Variants in NR2C2 observed in about 807,000 individuals in gnomAD.
NR2C2 encodes the protein Nuclear hormone receptor TR4.
A neutral mutation model predicts 62.9 loss-of-function variants in NR2C2; 6 were observed. That is an observed-to-expected ratio of 0.10 (90% confidence interval 0.05 to 0.19). The LOEUF (loss-of-function observed/expected upper bound fraction) is 0.19. Ranked by LOEUF, NR2C2 falls within the 10% of genes least tolerant of loss-of-function variation. The pLI is 1.00. For missense variants in NR2C2, 479 were observed against 762.7 expected, an observed-to-expected ratio of 0.63 and a Z score of 4.38; for synonymous variants, 272 against 273.8, an observed-to-expected ratio of 0.99 and a Z score of 0.07.
intron 1 of NR2C2, among the ~76,000 whole-genome samples, chr3:14,970,097 C>T (rs746078559): frequency 3.9e-5 from 6 of 152,122 alleles, no homozygotes; most frequent in Non-Finnish European, 7.4e-5. Flanking sequence ...CAATATTAGG[C>T]TTAAAGCAGA....
At chr3:14,991,856 A>G (rs2040682524) in intron 1 of NR2C2, among the ~76,000 whole-genome samples, 1 of 150,434 alleles carries the variant, frequency 6.6e-6, no homozygotes, top group Non-Finnish European at 1.5e-5. Flanking sequence ...TGTAGCCTCA[A>G]ACTCCTGAGC....
At chr3:15,025,750 CACA>C (rs1460228170) in intron 7 of NR2C2, 4 of 152,602 alleles carry the variant, frequency 2.6e-5, no homozygotes, top group African/African-American at 7.2e-5. Context: ...GGTACAGTAT[CACA>C]ACGAGGACAT....
At chr3:14,962,453 G>A (rs889208402) in intron 1 of NR2C2, 2 of 152,620 alleles carry the variant, frequency 1.3e-5, no homozygotes, top group African/African-American at 4.8e-5. Context: ...ATATGGAGGG[G>A]CTGGTTCAGC....
intron 1 of NR2C2, among the ~76,000 whole-genome samples, chr3:15,002,612 A>G (rs913603401): frequency 1.5e-5 from 2 of 130,900 alleles, no homozygotes; most frequent in Non-Finnish European, 3.3e-5. Context: ...TTCTAATTTT[A>G]GGAAGAGTTT....
At chr3:14,985,423 C>T (rs1370952879) in intron 1 of NR2C2, among the ~76,000 whole-genome samples, 1 of 151,930 alleles carries the variant, frequency 6.6e-6, no homozygotes, top group Non-Finnish European at 1.5e-5. Context: ...CTGTGATTAC[C>T]TTTTTGTTAC....
intron 2 of NR2C2, among the ~76,000 whole-genome samples, chr3:15,006,451 A>G (rs1017163487): frequency 1.3e-5 from 2 of 152,112 alleles, no homozygotes; most frequent in Admixed American, 1.3e-4. Flanking sequence ...TTCTATGTAT[A>G]CTATAGGAAA....
chr3:15,012,337 T>C (rs1487747288), intron 2 of NR2C2, among the ~76,000 whole-genome samples: 1 of 152,048 alleles, frequency 6.6e-6, no homozygotes, highest in East Asian at 1.9e-4. Flanking sequence ...GCGATTCTCG[T>C]GTCTTGGCAT....
intron 1 of NR2C2, among the ~76,000 whole-genome samples, chr3:14,969,293 T>G (rs1482473304): frequency 4.0e-5 from 6 of 148,710 alleles, no homozygotes; most frequent in Admixed American, 2.0e-4. Context: ...TCACCCAGGC[T>G]GGAGTGCAGT....
chr3:14,968,256 A>G (rs2039922165), intron 1 of NR2C2, among the ~76,000 whole-genome samples: 1 of 152,252 alleles, frequency 6.6e-6, no homozygotes. Context: ...AAGGGCTAAT[A>G]TCCAGAATCT....
chr3:15,020,060 C>T (rs189444968), intron 4 of NR2C2, among the ~76,000 whole-genome samples: 1 of 152,188 alleles, frequency 6.6e-6, no homozygotes, highest in African/African-American at 2.4e-5. Context: ...TAAAAAGAGA[C>T]ACCAAAGTAA....
chr3:14,991,118 C>G (rs2040658539), intron 1 of NR2C2, among the ~76,000 whole-genome samples: 1 of 152,074 alleles, frequency 6.6e-6, no homozygotes, highest in Non-Finnish European at 1.5e-5. Context: ...TTTTTAAAAT[C>G]TCTATTGCCA....
At position 15,044,821 on chromosome 3, in the gene NR2C2, AG is replaced by A. The variant is rs1450278889; in HGVS notation, c.*1815del. ...AGCTGCTGCAGGCTCAAGGCAGAAC[AG>A]GATGCTTGATCCTGAAGGGTTAGCA... On this transcript the variant is annotated 3_prime_UTR_variant, in exon 14 of 14. Transcript: ENST00000425241. 1 of 152,258 alleles carries A rather than the reference AG, an allele frequency of 6.6e-6. No homozygotes were observed. Among genetic ancestry groups the A allele is most frequent in the Non-Finnish European group, 1.5e-5 (1 of 68,052 alleles). 9.4% of individuals were successfully genotyped at this position (152,258 alleles called of 1,614,324 possible). A position where few individuals can be genotyped will look rare whatever the true frequency, so the allele number is the denominator to read the frequency against.
chr3:15,035,210 T>A (rs2042075475), intron 11 of NR2C2, among the ~76,000 whole-genome samples: 1 of 152,220 alleles, frequency 6.6e-6, no homozygotes. Context: ...GGAGGATTGC[T>A]TGAGCCCAGA....
intron 2 of NR2C2, among the ~76,000 whole-genome samples, chr3:15,006,144 C>G (rs184085853): frequency 1.5e-4 from 23 of 152,186 alleles, no homozygotes; most frequent in African/African-American, 5.3e-4. Context: ...GAGGTTGAGG[C>G]TGCAGTGAGC....
intron 9 of NR2C2, among the ~76,000 whole-genome samples, chr3:15,030,822 A>C (rs1488802524): frequency 6.6e-6 from 1 of 152,154 alleles, no homozygotes; most frequent in Non-Finnish European, 1.5e-5. Context: ...GTGAAACTCC[A>C]CCTCAAAAAT....
chr3:14,974,386 A>G (rs1032609558), intron 1 of NR2C2, among the ~76,000 whole-genome samples: 6 of 152,132 alleles, frequency 3.9e-5, no homozygotes, highest in African/African-American at 1.4e-4. Flanking sequence ...TTGAGATTCC[A>G]TATGAAGGTT....
chr3:14,955,247 A>T (rs531184761), intron 1 of NR2C2, among the ~76,000 whole-genome samples: 4 of 152,284 alleles, frequency 2.6e-5, no homozygotes, highest in African/African-American at 9.6e-5. Flanking sequence ...TAAGGGAAGA[A>T]TGTGTTCAAA....
chr3:14,974,095 C>T (rs998105404), intron 1 of NR2C2, among the ~76,000 whole-genome samples: 1 of 152,138 alleles, frequency 6.6e-6, no homozygotes, highest in Non-Finnish European at 1.5e-5. Context: ...CAGCAACTCC[C>T]CAATGCCCCC....
intron 2 of NR2C2, among the ~76,000 whole-genome samples, chr3:15,008,808 AG>A (rs2041263414): frequency 6.6e-6 from 1 of 152,242 alleles, no homozygotes. Flanking sequence ...TGAAAACCAC[AG>A]GACTGATTGG....
Sources: gnomAD v4.1 joint callset for allele counts (sites outside exome capture counted in the v4.1 genomes callset) on GRCh38, gnomAD v4.1.1 for gene constraint, MANE v1.5 for transcripts, NCBI Gene and HGNC (gene_info 2026-07-23, HGNC 2026-07-21) for gene names.